The following RPS6KC1 variants were observed in gnomAD, a reference collection of about 807,000 sequenced individuals.
The protein encoded by RPS6KC1 is ribosomal protein S6 kinase C1, also known as inactive ribosomal protein S6 kinase delta-1.
RPS6KC1 carries 54 observed loss-of-function variants against 103.8 expected under a neutral mutation model. The ratio of observed to expected loss-of-function variants is 0.52; its 90% CI spans 0.42 to 0.65. RPS6KC1 has a LOEUF of 0.65. Ranked by LOEUF, RPS6KC1 falls within the 30% of genes least tolerant of loss-of-function variation. The pLI is 0.00. For synonymous variants in RPS6KC1, 439 were observed against 438.7 expected (o/e 1.00, Z -0.01); for missense variants, 1,151 against 1,253.8 (o/e 0.92, Z 1.24).
At chr1:213,664,486 A>G in the RPS6KC1 span, among the ~76,000 whole-genome samples, 1 of 152,190 alleles carries the variant, frequency 6.6e-6, no homozygotes, top group Non-Finnish European at 1.5e-5. Context: ...TCTCTCTAGT[A>G]TGCCCCTTCT....
chr1:213,290,102 G>A, the RPS6KC1 span, among the ~76,000 whole-genome samples: 34 of 123,452 alleles, frequency 2.8e-4, no homozygotes, highest in African/African-American at 8.7e-4. Flanking sequence ...CCGAGATTGC[G>A]CCACTGCAAT....
At chr1:213,660,792 CT>C in the RPS6KC1 span, among the ~76,000 whole-genome samples, 1 of 152,020 alleles carries the variant, frequency 6.6e-6, no homozygotes, top group Non-Finnish European at 1.5e-5. Flanking sequence ...AAGCACCATT[CT>C]CCCCCATGTA....
the RPS6KC1 span, among the ~76,000 whole-genome samples, chr1:213,667,768 C>T: frequency 3.3e-5 from 5 of 152,334 alleles, no homozygotes; most frequent in African/African-American, 1.2e-4. Context: ...CCTGTTGCTG[C>T]TGTATTGCCT....
At chr1:213,162,488 G>A (rs551472320) in intron 6 of RPS6KC1, among the ~76,000 whole-genome samples, 1 of 152,290 alleles carries the variant, frequency 6.6e-6, no homozygotes, top group South Asian at 2.1e-4. Context: ...CCACTATGTT[G>A]TCCCAGCTGG....
intron 8 of RPS6KC1, among the ~76,000 whole-genome samples, chr1:213,227,305 T>G (rs542832333): frequency 1.3e-5 from 2 of 151,114 alleles, no homozygotes; most frequent in Non-Finnish European, 3.0e-5. Context: ...TTACAAACTT[T>G]TAGAGTTGAA....
intron 1 of RPS6KC1, among the ~76,000 whole-genome samples, chr1:213,056,628 A>G (rs1284157986): frequency 6.6e-6 from 1 of 152,218 alleles, no homozygotes; most frequent in Non-Finnish European, 1.5e-5. Context: ...TCGAAGCACT[A>G]TTTATATTGC....
Position 213,274,121 on chromosome 1 carries a change from A to G in RPS6KC1, c.*1487A>G, listed in dbSNP as rs1018647828. On this transcript the variant is annotated 3_prime_UTR_variant, in exon 15 of 15. Transcript: ENST00000366960. ...CTTTTTCCTTTTTGGCCCCCTTATA[A>G]TCCAAACCCCAGCTGAAAGGCTGCA... is the stretch of plus-strand genomic sequence containing the variant. 1 of 152,088 alleles carries G rather than the reference A, an allele frequency of 6.6e-6. No individual in the cohort carries two copies. The allele number at this position is 152,088 out of a possible 1,614,324, so 9.4% of individuals were successfully genotyped here. A position where few individuals can be genotyped will look rare whatever the true frequency, so the allele number is the denominator to read the frequency against.
At chr1:213,219,382 G>C (rs2093762171) in intron 8 of RPS6KC1, among the ~76,000 whole-genome samples, 1 of 152,168 alleles carries the variant, frequency 6.6e-6, no homozygotes, top group Non-Finnish European at 1.5e-5. Context: ...AGGATATGGA[G>C]AAATAGGAAG....
the RPS6KC1 span, among the ~76,000 whole-genome samples, chr1:213,458,921 A>T: frequency 6.6e-6 from 1 of 152,138 alleles, no homozygotes; most frequent in Non-Finnish European, 1.5e-5. Context: ...TGATTTCCAT[A>T]TATTGAAACA....
chr1:213,702,214 T>C, the RPS6KC1 span, among the ~76,000 whole-genome samples: 2 of 152,036 alleles, frequency 1.3e-5, no homozygotes, highest in Non-Finnish European at 2.9e-5. Flanking sequence ...TCCATGTATT[T>C]GTATAGTTTC....
At chr1:213,714,811 G>T in the RPS6KC1 span, among the ~76,000 whole-genome samples, 1 of 152,184 alleles carries the variant, frequency 6.6e-6, no homozygotes, top group Non-Finnish European at 1.5e-5. Context: ...CGTTGCTGCC[G>T]CTGGTGGGGG....
At chr1:213,484,622 A>G in the RPS6KC1 span, among the ~76,000 whole-genome samples, 1 of 152,230 alleles carries the variant, frequency 6.6e-6, no homozygotes, top group Non-Finnish European at 1.5e-5. Context: ...AAGTTAGTCA[A>G]TCAACCCACA....
the RPS6KC1 span, among the ~76,000 whole-genome samples, chr1:213,453,582 G>T: frequency 2.0e-5 from 3 of 152,206 alleles, no homozygotes; most frequent in Admixed American, 2.0e-4. Flanking sequence ...TAGTGAGCCA[G>T]AGACCGTGAA....
chr1:213,729,372 C>T, the RPS6KC1 span, among the ~76,000 whole-genome samples: 1 of 152,262 alleles, frequency 6.6e-6, no homozygotes, highest in African/African-American at 2.4e-5. Context: ...GTGAATCAAC[C>T]TGCTTACTTC....
intron 5 of RPS6KC1, among the ~76,000 whole-genome samples, chr1:213,124,851 G>C (rs2084796776): frequency 6.6e-6 from 1 of 152,138 alleles, no homozygotes; most frequent in African/African-American, 2.4e-5. Flanking sequence ...GGCATGGTAA[G>C]ATGCAACTTC....
the RPS6KC1 span, among the ~76,000 whole-genome samples, chr1:213,386,215 G>C: frequency 1.3e-5 from 2 of 152,162 alleles, no homozygotes; most frequent in Non-Finnish European, 2.9e-5. Context: ...CTCTGCACAT[G>C]CTGGCTCTCC....
intron 3 of RPS6KC1, among the ~76,000 whole-genome samples, chr1:213,096,145 A>C (rs534693349): frequency 6.6e-6 from 1 of 152,324 alleles, no homozygotes; most frequent in East Asian, 1.9e-4. Flanking sequence ...TTGTCATTTC[A>C]ACAGTGTTCA....
At chr1:213,256,625 G>A (rs1056032630) in intron 12 of RPS6KC1, among the ~76,000 whole-genome samples, 6 of 152,160 alleles carry the variant, frequency 3.9e-5, no homozygotes, top group Admixed American at 2.0e-4. Context: ...CAGGTTGTGG[G>A]TTGCACAGGC....
At chr1:213,076,461 A>T (rs1190878515) in intron 2 of RPS6KC1, among the ~76,000 whole-genome samples, 5 of 152,196 alleles carry the variant, frequency 3.3e-5, no homozygotes, top group Non-Finnish European at 7.3e-5. Flanking sequence ...ACTTGTTAGA[A>T]AACTTTGTTA....
Sources: allele counts gnomAD v4.1 joint callset (sites outside exome capture counted in the v4.1 genomes callset), GRCh38; gene constraint gnomAD v4.1.1; transcripts MANE v1.5; gene names NCBI Gene and HGNC (gene_info 2026-07-23, HGNC 2026-07-21).